The following NFATC1 variants were observed in gnomAD, a reference collection of about 807,000 sequenced individuals.
NFATC1 encodes the protein nuclear factor of activated T-cells, cytoplasmic 1.
NFATC1 carries 22 observed loss-of-function variants against 76.0 expected under a neutral mutation model. The observed-to-expected ratio is 0.29, with a 90% CI of 0.21 to 0.41. The LOEUF is 0.41. Ranked by LOEUF, NFATC1 falls within the 10% of genes least tolerant of loss-of-function variation. The pLI is 1.00. For missense variants in NFATC1, 1,357 were observed against 1,337.7 expected, an observed-to-expected ratio of 1.01 and a Z score of -0.23; for synonymous variants, 704 against 613.1, an observed-to-expected ratio of 1.15 and a Z score of -2.19.
At chr18:79,474,036 G>A (rs1294432933) in intron 8 of NFATC1, among the ~76,000 whole-genome samples, 1 of 145,328 alleles carries the variant, frequency 6.9e-6, no homozygotes, top group Non-Finnish European at 1.5e-5. Flanking sequence ...AGGGAAGCGT[G>A]TTCTCACGCT....
rs562345047 is a variant in NFATC1 at position 79,463,456 on chromosome 18, A to G, written c.1959+2090A>G. Among the ~76,000 whole-genome samples, 2 of 148,448 alleles carry G rather than the reference A, an allele frequency of 1.3e-5. 1 individual carries two copies. Among genetic ancestry groups the G allele is most frequent in the South Asian group, 4.2e-4 (2 of 4,812 alleles). ...CTCCCCGCAGCCTGTTCCCGTGTCC[A>G]TACCGGCCTCTCCTCCCCACAGCCC... On this transcript the variant is annotated intron_variant, in intron 7 of 9. Transcript: ENST00000427363.
intron 9 of NFATC1, among the ~76,000 whole-genome samples, chr18:79,490,107 C>CGCCCCG (rs1047324067): frequency 1.8e-4 from 28 of 152,190 alleles, no homozygotes; most frequent in South Asian, 4.1e-4. Flanking sequence ...CCCCCGCCCC[C>CGCCCCG]CCGTGGGCAG....
rs562162753 is a variant in NFATC1 at position 79,460,880 on chromosome 18, G to A, written c.1904-431G>A. 3.3e-5 allele frequency among the ~76,000 whole-genome samples: 5 copies of A among 152,290 alleles called. No individual in the cohort carries two copies. The East Asian group carries it at 5.8e-4, about 18-fold the overall frequency. On this transcript the variant is annotated intron_variant, in intron 6 of 9. Transcript: ENST00000427363. ...GTCCACGCACAGACGCCCTGCACAC[G>A]CTCTGCTGATGGGGTACCTGCTCCC...
intron 8 of NFATC1, among the ~76,000 whole-genome samples, chr18:79,475,292 T>C (rs667953): frequency 1.8e-4 from 27 of 147,628 alleles, no homozygotes; most frequent in South Asian, 4.4e-4. Context: ...TCACGCTCAC[T>C]GTCAACGTTG....
chr18:79,479,428 C>T (rs2089198670), intron 8 of NFATC1, among the ~76,000 whole-genome samples: 1 of 152,352 alleles, frequency 6.6e-6, no homozygotes, highest in Non-Finnish European at 1.5e-5. Flanking sequence ...CACTCACTTT[C>T]TCACTGATAG....
At chr18:79,449,416 A>C (rs1224217315) in intron 4 of NFATC1, among the ~76,000 whole-genome samples, 2 of 152,222 alleles carry the variant, frequency 1.3e-5, no homozygotes, top group Non-Finnish European at 1.5e-5. Context: ...TGACACTGTA[A>C]TTTGTTTAAA....
At chr18:79,423,689 C>T (rs1291599789) in intron 2 of NFATC1, among the ~76,000 whole-genome samples, 2 of 152,156 alleles carry the variant, frequency 1.3e-5, no homozygotes, top group Non-Finnish European at 2.9e-5. Flanking sequence ...GCAGGAGGGC[C>T]GGGCTGGGTG....
rs574653120 is a variant in NFATC1 at position 79,439,290 on chromosome 18, G to A, written c.1386+5552G>A. 5.3e-5 allele frequency among the ~76,000 whole-genome samples: 8 copies of A among 152,292 alleles called. No homozygotes were observed. In the South Asian group the frequency reaches 6.2e-4, roughly 12 times the overall value. On this transcript the variant is annotated intron_variant, in intron 3 of 9. Coordinates refer to ENST00000427363, the MANE Select transcript of NFATC1 (RefSeq NM_001278669.2). ...CACATTGTTATCTGATCAGAGCTCC[G>A]AGGCCCCACCAGGAGCTGTGCTATT...
At chr18:79,495,653 A>G (rs549460570) in intron 9 of NFATC1, among the ~76,000 whole-genome samples, 159 of 152,400 alleles carry the variant, frequency 1.0e-3, no homozygotes, top group African/African-American at 3.1e-3. Context: ...CAGTGGCAGC[A>G]AAGAGAGACC....
At chr18:79,401,752 G>A (rs1466606754) in intron 1 of NFATC1, among the ~76,000 whole-genome samples, 1 of 152,164 alleles carries the variant, frequency 6.6e-6, no homozygotes, top group African/African-American at 2.4e-5. Context: ...TTGGGGTGGA[G>A]GCTCCCACAC....
At chr18:79,474,721 C>G (rs571192571) in intron 8 of NFATC1, among the ~76,000 whole-genome samples, 1 of 146,686 alleles carries the variant, frequency 6.8e-6, no homozygotes, top group Admixed American at 6.8e-5. Flanking sequence ...CGTGTTCTCA[C>G]GCTCACTGTC....
chr18:79,432,504 C>T (rs2086635364), intron 2 of NFATC1, among the ~76,000 whole-genome samples: 1 of 152,044 alleles, frequency 6.6e-6, no homozygotes, highest in Non-Finnish European at 1.5e-5. Flanking sequence ...GGGAGGGTCC[C>T]ACCGCATCCT....
At chr18:79,411,525 A>G (rs757674978) in intron 2 of NFATC1, 24 bp downstream of exon 2, 14 of 1,420,484 alleles carry the variant, frequency 9.9e-6, no homozygotes, top group Non-Finnish European at 1.0e-5. Context: ...GCGGGGCGGG[A>G]CGGGGAGGCG....
Position 79,402,701 on chromosome 18 carries a change from A to G in NFATC1, c.127+6350A>G, listed in dbSNP as rs1217126705. Among the ~76,000 whole-genome samples the G allele has an allele frequency of 2.6e-5, 4 of 152,200 alleles. No homozygotes were observed. The South Asian group carries it at 8.3e-4, about 32-fold the overall frequency. ...AAGAAGTTGCTAGGAAGGGTTCTTT[A>G]TGTATCTCATATGTTACGTGTACAT... On this transcript the variant is annotated intron_variant, in intron 1 of 9. Transcript: ENST00000427363.
At chr18:79,478,119 C>A (rs1415037857) in intron 8 of NFATC1, among the ~76,000 whole-genome samples, 1 of 114,438 alleles carries the variant, frequency 8.7e-6, no homozygotes, top group Non-Finnish European at 1.8e-5. Flanking sequence ...GCCCCCAGGC[C>A]CCCCCCCGCC....
chr18:79,444,717 A>G (rs2087127848), intron 3 of NFATC1, among the ~76,000 whole-genome samples: 1 of 143,294 alleles, frequency 7.0e-6, no homozygotes, highest in African/African-American at 2.9e-5. Context: ...CACTGCACAC[A>G]CAGGCACCCC....
chr18:79,504,442 C>G (rs1660150), intron 9 of NFATC1, among the ~76,000 whole-genome samples: 1 of 151,934 alleles, frequency 6.6e-6, no homozygotes, highest in Non-Finnish European at 1.5e-5. Context: ...GCAGTCAGGA[C>G]GCACCCAGCT....
intron 9 of NFATC1, among the ~76,000 whole-genome samples, chr18:79,507,876 G>A (rs537760862): frequency 6.6e-6 from 1 of 152,244 alleles, no homozygotes; most frequent in African/African-American, 2.4e-5. Flanking sequence ...CGTCCGTCAC[G>A]TGGCCACCGT....
At chr18:79,452,660 G>T (rs1287357793) in intron 6 of NFATC1, among the ~76,000 whole-genome samples, 1 of 152,238 alleles carries the variant, frequency 6.6e-6, no homozygotes, top group Admixed American at 6.5e-5. Context: ...GTGGGCACCA[G>T]TGTAGCTGGG....
Sources: gnomAD v4.1 joint callset for allele counts (sites outside exome capture counted in the v4.1 genomes callset) on GRCh38, gnomAD v4.1.1 for gene constraint, MANE v1.5 for transcripts, NCBI Gene and HGNC (gene_info 2026-07-23, HGNC 2026-07-21) for gene names.